The following SLC2A13 variants were observed in gnomAD, a reference collection of about 807,000 sequenced individuals.
SLC2A13 encodes proton myo-inositol cotransporter.
Under a neutral mutation model 64.4 loss-of-function variants are expected in SLC2A13, and 32 were observed. The observed-to-expected ratio is 0.50, with a 90% CI of 0.37 to 0.67. The LOEUF is 0.67. Among genes scored for constraint, SLC2A13 ranks in the 30% least tolerant of loss-of-function variants. The probability of loss-of-function intolerance (pLI) is 0.00; values close to 1 mark genes in which losing one functional copy is unlikely to be tolerated. For missense variants in SLC2A13, 743 were observed against 829.2 expected (o/e 0.90, Z 1.28); for synonymous variants, 338 against 327.1 (o/e 1.03, Z -0.36).
intron 7 of SLC2A13, among the ~76,000 whole-genome samples, chr12:39,786,093 T>A (rs975082347): frequency 2.6e-5 from 4 of 152,110 alleles, no homozygotes; most frequent in Middle Eastern, 3.4e-3. Flanking sequence ...AGTTTTGAAA[T>A]GTGAGGACAT....
At chr12:40,001,240 C>T (rs553324730) in intron 3 of SLC2A13, among the ~76,000 whole-genome samples, 1 of 152,322 alleles carries the variant, frequency 6.6e-6, no homozygotes, top group South Asian at 2.1e-4. Flanking sequence ...TCCAAACTGG[C>T]AGCACATACT....
chr12:39,975,028 ATTCT>A (rs1946736000), intron 3 of SLC2A13, among the ~76,000 whole-genome samples: 1 of 152,174 alleles, frequency 6.6e-6, no homozygotes, highest in Non-Finnish European at 1.5e-5. Context: ...AAAGGCATGC[ATTCT>A]TTCTTTTCAA....
chr12:39,910,202 C>T (rs980328871), intron 4 of SLC2A13, among the ~76,000 whole-genome samples: 3 of 152,036 alleles, frequency 2.0e-5, no homozygotes, highest in Non-Finnish European at 4.4e-5. Context: ...CTAGAAAGTG[C>T]TACTATTTAT....
chr12:40,054,552 A>G (rs1948307053), intron 1 of SLC2A13, among the ~76,000 whole-genome samples: 1 of 152,120 alleles, frequency 6.6e-6, no homozygotes, highest in Non-Finnish European at 1.5e-5. Flanking sequence ...AAAATTTCCT[A>G]CAAAATTATA....
chr12:39,890,289 T>C (rs958709678), intron 4 of SLC2A13, among the ~76,000 whole-genome samples: 4 of 152,304 alleles, frequency 2.6e-5, no homozygotes, highest in Non-Finnish European at 4.4e-5. Context: ...CATTAGAGCA[T>C]CATTATTATT....
chr12:39,858,329 A>T (rs1943661613), intron 6 of SLC2A13, among the ~76,000 whole-genome samples: 2 of 152,232 alleles, frequency 1.3e-5, no homozygotes, highest in Non-Finnish European at 2.9e-5. Context: ...TGTAGATATT[A>T]GTAACACATA....
chr12:40,098,086 C>T (rs1939017668), intron 1 of SLC2A13, among the ~76,000 whole-genome samples: 1 of 150,752 alleles, frequency 6.6e-6, no homozygotes, highest in Admixed American at 6.6e-5. Flanking sequence ...TGTATATATG[C>T]ATATATGTGT....
At chr12:39,932,981 C>T (rs1027861368) in intron 4 of SLC2A13, among the ~76,000 whole-genome samples, 2 of 152,084 alleles carry the variant, frequency 1.3e-5, no homozygotes, top group African/African-American at 4.8e-5. Flanking sequence ...AATCCCAGCA[C>T]TTTGGGAGGC....
At chr12:40,021,781 G>C (rs1947723381) in intron 3 of SLC2A13, among the ~76,000 whole-genome samples, 1 of 152,122 alleles carries the variant, frequency 6.6e-6, no homozygotes. Context: ...ATATATTAGA[G>C]AGAATGACTA....
chr12:39,917,739 T>C (rs1481901361), intron 4 of SLC2A13, among the ~76,000 whole-genome samples: 2 of 152,166 alleles, frequency 1.3e-5, no homozygotes, highest in South Asian at 2.1e-4. Flanking sequence ...TGCTTTCAGA[T>C]GGCAGACAGT....
At chr12:39,982,957 A>C (rs1946940682) in intron 3 of SLC2A13, among the ~76,000 whole-genome samples, 1 of 140,314 alleles carries the variant, frequency 7.1e-6, no homozygotes, top group Non-Finnish European at 1.6e-5. Flanking sequence ...CCAAAACAGC[A>C]TGGTACTGGT....
At chr12:39,999,418 G>A (rs1343273972) in intron 3 of SLC2A13, among the ~76,000 whole-genome samples, 2 of 152,032 alleles carry the variant, frequency 1.3e-5, no homozygotes, top group African/African-American at 2.4e-5. Flanking sequence ...TAATACCCTG[G>A]AGAAGGAATG....
Position 39,757,388 on chromosome 12 carries a change from G to C in SLC2A13, c.*2638C>G, listed in dbSNP as rs976492443. 2 of 151,734 alleles carry C rather than the reference G, an allele frequency of 1.3e-5. No individual in the cohort carries two copies. The highest frequency in any genetic ancestry group is 2.1e-4 in the South Asian group (1 of 4,830). The allele number at this position is 151,734 out of a possible 1,614,324, so 9.4% of individuals were successfully genotyped here. ...GATACTACAAATGGAATGTTTCCAA[G>C]TTGATAGTGGTAGCCAAATATGCTG... On this transcript the variant is annotated 3_prime_UTR_variant, in exon 10 of 10. Coordinates refer to ENST00000280871, the MANE Select transcript of SLC2A13 (RefSeq NM_052885.4).
chr12:40,012,598 C>A, intron 3 of SLC2A13, among the ~76,000 whole-genome samples: 1 of 152,190 alleles, frequency 6.6e-6, no homozygotes. Flanking sequence ...TTAATATCAT[C>A]AGTCTGGTCT....
At chr12:39,961,323 C>G (rs958896000) in intron 3 of SLC2A13, among the ~76,000 whole-genome samples, 1 of 152,172 alleles carries the variant, frequency 6.6e-6, no homozygotes, top group Admixed American at 6.5e-5. Context: ...AAGTGATCTA[C>G]CTGCCTCAGC....
At chr12:40,000,741 G>A (rs774789262) in intron 3 of SLC2A13, among the ~76,000 whole-genome samples, 4 of 152,170 alleles carry the variant, frequency 2.6e-5, no homozygotes, top group Non-Finnish European at 4.4e-5. Context: ...CGCAGTTATA[G>A]TGATTAGCGT....
chr12:40,089,572 C>T (rs716268), intron 1 of SLC2A13, among the ~76,000 whole-genome samples: 53,594 of 151,860 alleles, frequency 0.35, 9,647 homozygotes, highest in Non-Finnish European at 0.39. Context: ...ACAAGGAAGA[C>T]TTCTTCATCT....
chr12:39,890,495 G>A (rs535927947), intron 4 of SLC2A13, among the ~76,000 whole-genome samples: 16 of 152,246 alleles, frequency 1.1e-4, no homozygotes, highest in African/African-American at 3.9e-4. Context: ...GGATTGTTCA[G>A]GTGGGCCTAA....
At chr12:40,046,018 T>C (rs1373203714) in intron 2 of SLC2A13, among the ~76,000 whole-genome samples, 2 of 152,238 alleles carry the variant, frequency 1.3e-5, no homozygotes, top group Non-Finnish European at 2.9e-5. Flanking sequence ...AGCATCCATC[T>C]TTTACTCAAT....
Sources: gnomAD v4.1 joint callset for allele counts (sites outside exome capture counted in the v4.1 genomes callset) on GRCh38, gnomAD v4.1.1 for gene constraint, MANE v1.5 for transcripts, NCBI Gene and HGNC (gene_info 2026-07-23, HGNC 2026-07-21) for gene names.